ACTR3: variants seen among roughly 807,000 people sequenced by gnomAD.
The protein encoded by ACTR3 is actin related protein 3.
A neutral mutation model predicts 56.8 loss-of-function variants in ACTR3; 12 were observed. The ratio of observed to expected loss-of-function variants is 0.21; its 90% confidence interval spans 0.14 to 0.34. The LOEUF is 0.34. Among genes scored for constraint, ACTR3 ranks in the 10% least tolerant of loss-of-function variants. The probability of loss-of-function intolerance (pLI) is 1.00; values close to 1 mark genes in which losing one functional copy is unlikely to be tolerated. For synonymous variants in ACTR3, 162 were observed against 167.4 expected, an observed-to-expected ratio of 0.97 and a Z score of 0.25; for missense variants, 282 against 512.5, an observed-to-expected ratio of 0.55 and a Z score of 4.34.
chr2:113,900,301 CA>C (rs1210573693), intron 1 of ACTR3, among the ~76,000 whole-genome samples: 1 of 152,178 alleles, frequency 6.6e-6, no homozygotes, highest in Non-Finnish European at 1.5e-5. Context: ...CCTCTACCCT[CA>C]ACCCTTAGCA....
chr2:113,922,049 G>A lies in ACTR3; in HGVS notation c.225+5041G>A, dbSNP rs186279376. Among the ~76,000 whole-genome samples, 70 of 152,276 alleles carry A rather than the reference G, an allele frequency of 4.6e-4. No homozygotes were observed. In the South Asian group the frequency reaches 8.1e-3, roughly 18 times the overall value. The stretch of plus-strand genomic sequence containing the variant: ...GCCCATAGATAATTTGCTGTCTTTC[G>A]CTACAAGGTGGTGATTTGTAACCTG... On this transcript the variant is annotated intron_variant, in intron 3 of 11. Transcript: ENST00000263238.
chr2:113,929,617 T>G (rs1486921873), intron 4 of ACTR3, among the ~76,000 whole-genome samples: 1 of 152,178 alleles, frequency 6.6e-6, no homozygotes. Context: ...TGAACCTTTT[T>G]GCACACCCCC....
chr2:113,899,954 T>G (rs920582235), intron 1 of ACTR3, among the ~76,000 whole-genome samples: 3 of 152,190 alleles, frequency 2.0e-5, no homozygotes, highest in Admixed American at 6.5e-5. Context: ...GGATTTTAAA[T>G]GGGGCAGAAT....
intron 7 of ACTR3, 23 bp downstream of exon 7, chr2:113,940,125 A>C: frequency 6.3e-7 from 1 of 1,583,804 alleles, no homozygotes; most frequent in Non-Finnish European, 8.6e-7. Context: ...ATAGGAGTGT[A>C]ATTTAGTTAA....
intron 6 of ACTR3, among the ~76,000 whole-genome samples, chr2:113,935,832 A>G (rs1679814698): frequency 6.6e-6 from 1 of 152,160 alleles, no homozygotes. Flanking sequence ...AGGTCACCAA[A>G]TAATAGGTAG....
At chr2:113,891,585 G>A (rs1449680085) in intron 1 of ACTR3, among the ~76,000 whole-genome samples, 13 of 151,196 alleles carry the variant, frequency 8.6e-5, no homozygotes, top group Admixed American at 5.3e-4. Flanking sequence ...TTTTTTTGAG[G>A]GGGAAGTCAG....
At chr2:113,950,274 C>G (rs1484539212) in intron 8 of ACTR3, among the ~76,000 whole-genome samples, 1 of 152,198 alleles carries the variant, frequency 6.6e-6, no homozygotes, top group African/African-American at 2.4e-5. Context: ...CACATCACAG[C>G]CTCCTTGTGT....
At chr2:113,919,967 A>T (rs1266694031) in intron 3 of ACTR3, among the ~76,000 whole-genome samples, 1 of 152,148 alleles carries the variant, frequency 6.6e-6, no homozygotes, top group African/African-American at 2.4e-5. Flanking sequence ...TCTGTCTCCC[A>T]GGCTGGAGTG....
intron 1 of ACTR3, among the ~76,000 whole-genome samples, chr2:113,895,658 G>T (rs1355484766): frequency 6.6e-6 from 1 of 152,152 alleles, no homozygotes; most frequent in South Asian, 2.1e-4. Flanking sequence ...GTTAGGAAAA[G>T]ATTGGTTTTT....
chr2:113,957,228 C>A, intron 11 of ACTR3, 132 bp from the exon 12 acceptor site: 2 of 580,524 alleles, frequency 3.4e-6, no homozygotes, highest in Non-Finnish European at 6.0e-6. Flanking sequence ...GCTTTCATGC[C>A]ATGAATGGAC....
chr2:113,907,243 A>T (rs1679211878), intron 1 of ACTR3, among the ~76,000 whole-genome samples: 1 of 152,128 alleles, frequency 6.6e-6, no homozygotes, highest in Non-Finnish European at 1.5e-5. Context: ...GCTTTTATGA[A>T]TTACTTTTTT....
At position 113,942,190 on chromosome 2, in the gene ACTR3, G is replaced by A; in HGVS notation, c.689G>A (p.Arg230His). Residue 230 changes from arginine (R) to histidine (H), a missense_variant, in exon 8 of 12, where the codon CGC becomes CAC. Coordinates refer to ENST00000263238, the MANE Select transcript of ACTR3 (RefSeq NM_005721.5). ...SLETAKAVKE[R>H]YSYVCPDLVK... ...TTTTGTTTCTTTGTTTTTCAGGAGC[G>A]CTATAGTTATGTCTGCCCAGATTTA... is the stretch of plus-strand genomic sequence containing the variant. 7 of 1,559,548 alleles carry A rather than the reference G, an allele frequency of 4.5e-6. No individual in the cohort carries two copies. The highest frequency in any genetic ancestry group is 4.3e-5 in the Admixed American group (2 of 46,578).
intron 1 of ACTR3, among the ~76,000 whole-genome samples, chr2:113,894,703 A>G (rs956724341): frequency 6.6e-6 from 1 of 152,234 alleles, no homozygotes; most frequent in African/African-American, 2.4e-5. Flanking sequence ...CAGAACGGAA[A>G]GGTCCTGTGG....
intron 8 of ACTR3, among the ~76,000 whole-genome samples, chr2:113,945,596 A>G (rs1273322659): frequency 6.6e-6 from 1 of 152,000 alleles, no homozygotes; most frequent in East Asian, 1.9e-4. Context: ...TTTCCCTTAA[A>G]ATTCAGCTTT....
intron 1 of ACTR3, among the ~76,000 whole-genome samples, 154 bp from the exon 2 acceptor site, chr2:113,913,018 T>G (rs1315118404): frequency 1.3e-5 from 2 of 152,176 alleles, no homozygotes; most frequent in Non-Finnish European, 2.9e-5. Context: ...TTGATAGAAT[T>G]GTGAAAGTAG....
intron 1 of ACTR3, among the ~76,000 whole-genome samples, chr2:113,892,863 TTAGA>T (rs1559451036): frequency 6.6e-6 from 1 of 152,322 alleles, no homozygotes; most frequent in East Asian, 1.9e-4. Flanking sequence ...CTTGATCGTC[TTAGA>T]TAGGAAAGCT....
intron 7 of ACTR3, among the ~76,000 whole-genome samples, chr2:113,940,894 C>T (rs1264325636): frequency 6.7e-6 from 1 of 149,978 alleles, no homozygotes; most frequent in Non-Finnish European, 1.5e-5. Context: ...ACTCGTGGCT[C>T]ACTGCAGCCT....
chr2:113,907,887 G>T (rs1193271434), intron 1 of ACTR3, among the ~76,000 whole-genome samples: 1 of 146,984 alleles, frequency 6.8e-6, no homozygotes, highest in South Asian at 2.1e-4. Context: ...CAGGAAAATC[G>T]CTTCAACCCA....
chr2:113,913,815 G>A (rs1044311764), intron 2 of ACTR3, among the ~76,000 whole-genome samples: 5 of 152,104 alleles, frequency 3.3e-5, no homozygotes, highest in African/African-American at 1.2e-4. Context: ...ACTTTCAGTA[G>A]TTTTTAAAAA....
Sources: allele counts gnomAD v4.1 joint callset (sites outside exome capture counted in the v4.1 genomes callset), GRCh38; gene constraint gnomAD v4.1.1; transcripts MANE v1.5; gene names NCBI Gene and HGNC (gene_info 2026-07-23, HGNC 2026-07-21).